The following CDH13 variants were observed in gnomAD, a reference collection of about 807,000 sequenced individuals.
CDH13 encodes cadherin-13.
Under a neutral mutation model 63.8 loss-of-function variants are expected in CDH13, and 24 were observed. The ratio of observed to expected loss-of-function variants is 0.38; its 90% CI spans 0.27 to 0.53. The LOEUF (loss-of-function observed/expected upper bound fraction) is 0.53, where lower values mean the gene tolerates loss of function less well. Ranked by LOEUF, CDH13 falls within the 20% of genes least tolerant of loss-of-function variation. CDH13 has a pLI of 0.85. For synonymous variants in CDH13, 503 were observed against 355.3 expected (o/e 1.42, Z -4.67); for missense variants, 1,049 against 903.1 (o/e 1.16, Z -2.07).
chr16:82,748,949 T>G (rs958907614), intron 1 of CDH13, among the ~76,000 whole-genome samples: 2 of 152,236 alleles, frequency 1.3e-5, no homozygotes, highest in African/African-American at 4.8e-5. Context: ...TCTCAGCGAT[T>G]GATCTAGACA....
At chr16:83,213,907 A>T (rs994253080) in intron 4 of CDH13, among the ~76,000 whole-genome samples, 1 of 152,146 alleles carries the variant, frequency 6.6e-6, no homozygotes, top group Non-Finnish European at 1.5e-5. Context: ...TGCACCAATC[A>T]GTGCTCTGTA....
At chr16:82,988,162 G>C (rs182552296) in intron 2 of CDH13, among the ~76,000 whole-genome samples, 1 of 152,274 alleles carries the variant, frequency 6.6e-6, no homozygotes, top group East Asian at 1.9e-4. Flanking sequence ...GTGTGTACAT[G>C]CATATGTGGT....
At chr16:83,363,451 G>T (rs1408868203) in intron 6 of CDH13, among the ~76,000 whole-genome samples, 2 of 152,220 alleles carry the variant, frequency 1.3e-5, no homozygotes, top group Non-Finnish European at 2.9e-5. Context: ...CCTGTGAGTG[G>T]TCCTCACACT....
intron 4 of CDH13, among the ~76,000 whole-genome samples, chr16:83,167,982 A>G (rs8044784): frequency 0.056 from 8,469 of 152,124 alleles, 807 homozygotes; most frequent in African/African-American, 0.19. Flanking sequence ...CTCACTTATA[A>G]GTGGGACCTA....
At chr16:83,492,387 A>G (rs555449837) in intron 7 of CDH13, among the ~76,000 whole-genome samples, 1 of 152,266 alleles carries the variant, frequency 6.6e-6, no homozygotes, top group South Asian at 2.1e-4. Context: ...CAGGAATATT[A>G]TCTTGCTTTG....
chr16:83,539,257 A>G (rs189865050), intron 7 of CDH13, among the ~76,000 whole-genome samples: 25 of 152,268 alleles, frequency 1.6e-4, no homozygotes, highest in Non-Finnish European at 2.5e-4. Context: ...TCTCATAAGG[A>G]ACATGCAACC....
intron 2 of CDH13, among the ~76,000 whole-genome samples, chr16:82,949,824 A>G (rs1905107177): frequency 6.6e-6 from 1 of 152,088 alleles, no homozygotes; most frequent in South Asian, 2.1e-4. Flanking sequence ...TTTGCTTTAC[A>G]GACTCAAAAT....
chr16:83,477,445 G>C (rs568529952), intron 6 of CDH13, among the ~76,000 whole-genome samples: 4 of 152,124 alleles, frequency 2.6e-5, no homozygotes, highest in South Asian at 2.1e-4. Context: ...AAAATTTAAG[G>C]CATTCTCATT....
chr16:82,727,596 C>A (rs574060034), intron 1 of CDH13: 3 of 152,180 alleles, frequency 2.0e-5, no homozygotes, highest in Non-Finnish European at 4.4e-5. Context: ...CCATTTAGAA[C>A]ATGGTGTATT....
At chr16:83,695,122 G>A (rs764063425) in intron 10 of CDH13, among the ~76,000 whole-genome samples, 7 of 152,062 alleles carry the variant, frequency 4.6e-5, no homozygotes, top group African/African-American at 7.2e-5. Context: ...CAGGAGAATC[G>A]CTTGAATCCG....
At chr16:83,794,928 A>G in intron 13 of CDH13, 95 bp from the exon 14 acceptor site, 2 of 1,157,514 alleles carry the variant, frequency 1.7e-6, no homozygotes, top group Non-Finnish European at 2.5e-6. Flanking sequence ...AAATGTGTTT[A>G]TTATACCTTG....
At chr16:83,715,289 A>T (rs188819583) in intron 10 of CDH13, among the ~76,000 whole-genome samples, 36 of 152,308 alleles carry the variant, frequency 2.4e-4, no homozygotes, top group Admixed American at 3.9e-4. Flanking sequence ...GTTCCCATTT[A>T]CTTGATCAGG....
intron 6 of CDH13, among the ~76,000 whole-genome samples, chr16:83,379,919 G>GTGTA (rs1555538670): frequency 2.8e-4 from 36 of 126,442 alleles, no homozygotes; most frequent in African/African-American, 9.0e-4. Context: ...ATGTGTGTGT[G>GTGTA]TATATATATA....
At chr16:83,012,808 T>C (rs1001686978) in intron 2 of CDH13, among the ~76,000 whole-genome samples, 1 of 152,212 alleles carries the variant, frequency 6.6e-6, no homozygotes, top group Admixed American at 6.5e-5. Flanking sequence ...AGACTACAGA[T>C]AATGGATTTT....
chr16:83,671,072 TC>T (rs1370773864), intron 9 of CDH13, 100 bp downstream of exon 9: 3 of 974,230 alleles, frequency 3.1e-6, no homozygotes, highest in Admixed American at 2.4e-5. Context: ...ACAGATAAAT[TC>T]CCCCAGTCTC....
chr16:82,639,545 A>G, intron 1 of CDH13: 1 of 896,172 alleles, frequency 1.1e-6, no homozygotes, highest in Admixed American at 2.0e-5. Flanking sequence ...TGCCTAAGTC[A>G]GTGCTTCCTG....
At chr16:82,762,392 T>A (rs2034888042) in intron 1 of CDH13, among the ~76,000 whole-genome samples, 1 of 152,218 alleles carries the variant, frequency 6.6e-6, no homozygotes, top group African/African-American at 2.4e-5. Context: ...TTCTAAAATA[T>A]TATCTCTTAA....
intron 3 of CDH13, among the ~76,000 whole-genome samples, chr16:83,043,078 G>A (rs1917465115): frequency 6.6e-6 from 1 of 152,136 alleles, no homozygotes; most frequent in Non-Finnish European, 1.5e-5. Flanking sequence ...CAAGAATTGG[G>A]CCTAGAATTC....
chr16:83,293,847 C>G (rs906858587), intron 5 of CDH13, among the ~76,000 whole-genome samples: 1 of 152,166 alleles, frequency 6.6e-6, no homozygotes, highest in African/African-American at 2.4e-5. Context: ...ATAGGAATAA[C>G]AATCAGAGCC....
Sources: allele counts gnomAD v4.1 joint callset (sites outside exome capture counted in the v4.1 genomes callset), GRCh38; gene constraint gnomAD v4.1.1; transcripts MANE v1.5; gene names NCBI Gene and HGNC (gene_info 2026-07-23, HGNC 2026-07-21).